TMEM64: variants seen among roughly 807,000 people sequenced by gnomAD.
The protein encoded by TMEM64 is transmembrane protein 64.
A neutral mutation model predicts 24.5 loss-of-function variants in TMEM64; 19 were observed. The observed-to-expected ratio is 0.78, with a 90% CI of 0.54 to 1.14. The LOEUF (loss-of-function observed/expected upper bound fraction) is 1.14, where lower values mean the gene tolerates loss of function less well. Among genes scored for constraint, TMEM64 ranks in the 50% most tolerant of loss-of-function variants. The probability of loss-of-function intolerance (pLI) is 0.00; values close to 1 mark genes in which losing one functional copy is unlikely to be tolerated. For missense variants in TMEM64, 487 were observed against 493.0 expected (o/e 0.99, Z 0.12); for synonymous variants, 262 against 224.7 (o/e 1.17, Z -1.49).
chr8:90,626,368 C>T (rs1809359478), intron 2 of TMEM64, among the ~76,000 whole-genome samples: 1 of 152,050 alleles, frequency 6.6e-6, no homozygotes, highest in East Asian at 1.9e-4. Flanking sequence ...AATGAAATGC[C>T]AATAAACTTC....
At position 90,624,955 on chromosome 8, in the gene TMEM64, G is replaced by A. The variant is rs1809333702; in HGVS notation, c.*716C>T. The A allele has an allele frequency of 6.6e-6, 1 of 152,550 alleles. No homozygotes were observed. Among genetic ancestry groups the A allele is most frequent in the African/African-American group, 2.4e-5 (1 of 41,440 alleles). 9.4% of individuals were successfully genotyped at this position (152,550 alleles called of 1,614,324 possible). ...CCAATGTAACTGAATTAGAACAAGA[G>A]TTCCAATTTTGAGCTACCATCCACC... On this transcript the variant is annotated 3_prime_UTR_variant, in exon 3 of 3. Coordinates refer to ENST00000458549, the MANE Select transcript of TMEM64 (RefSeq NM_001008495.4).
rs1438406143 is a variant in TMEM64 at position 90,625,715 on chromosome 8, T to C, written c.1099A>G (p.Lys367Glu). 6.2e-7 allele frequency: 1 copy of C among 1,613,836 alleles called. No individual in the cohort carries two copies. The highest frequency in any genetic ancestry group is 1.7e-5 in the Admixed American group (1 of 59,994). The change falls in exon 3 of 3, where the codon AAG becomes GAG. Residue 367 changes from lysine (K) to glutamate (E), a missense_variant. Physicochemically the swap from Lys to Glu is moderately conservative, Grantham distance 56. Coordinates refer to ENST00000458549, the MANE Select transcript of TMEM64 (RefSeq NM_001008495.4). ...PNTSGSSFYN[K>E]RTLTFSGGGI... ...CCTCCAGAAAATGTTAGGGTCCTCTTGTTGTAGAATGAAGAGCCACTGGTA... is the reference window on the plus strand; with the variant it reads ...CCTCCAGAAAATGTTAGGGTCCTCTCGTTGTAGAATGAAGAGCCACTGGTA...
In TMEM64 at chr8:90,623,209, G is replaced by C. The variant is rs1809306698; in HGVS notation, c.*2462C>G. The C allele has an allele frequency of 6.6e-6, 1 of 152,122 alleles. No individual in the cohort carries two copies. Among genetic ancestry groups the C allele is most frequent in the African/African-American group, 2.4e-5 (1 of 41,430 alleles). 9.4% of individuals were successfully genotyped at this position (152,122 alleles called of 1,614,324 possible). On this transcript the variant is annotated 3_prime_UTR_variant, in exon 3 of 3. Transcript: ENST00000458549. ...ACTTTATACTGCACTTTAACAGTCT[G>C]AGAAATTTGACATTTCATTTCTATA...
In TMEM64 at chr8:90,645,951, G is replaced by T; in HGVS notation, c.-46C>A. On this transcript the variant is annotated 5_prime_UTR_variant, in exon 1 of 3. Coordinates refer to ENST00000458549, the MANE Select transcript of TMEM64 (RefSeq NM_001008495.4). This position sits in a 1 kb window ranked among gnomAD's most constrained non-coding sequence, Gnocchi z 4.2. ...CTCAGCCGGCCAGCCCCTCCGCCGCGGCGCCCGTTAGGCAGCTGCCCTTCA... is the reference window on the plus strand; with the variant it reads ...CTCAGCCGGCCAGCCCCTCCGCCGCTGCGCCCGTTAGGCAGCTGCCCTTCA... 1 of 1,069,704 alleles carries T rather than the reference G, an allele frequency of 9.3e-7. No homozygotes were observed. The highest frequency in any genetic ancestry group is 1.1e-6 in the Non-Finnish European group (1 of 871,540). The allele number at this position is 1,069,704 out of a possible 1,614,324, so 66.3% of individuals were successfully genotyped here.
intron 2 of TMEM64, among the ~76,000 whole-genome samples, chr8:90,628,414 G>A (rs1343951563): frequency 6.6e-6 from 1 of 152,208 alleles, no homozygotes; most frequent in Non-Finnish European, 1.5e-5. Context: ...TCAAAATTGT[G>A]AGGAGAAGTG....
intron 1 of TMEM64, among the ~76,000 whole-genome samples, chr8:90,638,563 A>AT (rs1293072634): frequency 6.6e-6 from 1 of 152,192 alleles, no homozygotes; most frequent in East Asian, 1.9e-4. Context: ...TTCCCAGACT[A>AT]TAAATTCTGT....
chr8:90,636,967 A>G (rs987376801), intron 1 of TMEM64, among the ~76,000 whole-genome samples: 1 of 152,218 alleles, frequency 6.6e-6, no homozygotes, highest in African/African-American at 2.4e-5. Flanking sequence ...TAGAAGCACT[A>G]TAAAATTATA....
At chr8:90,639,393 C>CAG (rs1181433201) in intron 1 of TMEM64, among the ~76,000 whole-genome samples, 1 of 152,108 alleles carries the variant, frequency 6.6e-6, no homozygotes, top group Non-Finnish European at 1.5e-5. Context: ...CACATACACA[C>CAG]AGAGGCCTTG....
At chr8:90,634,267 A>G (rs1052920597) in intron 1 of TMEM64, among the ~76,000 whole-genome samples, 1 of 152,230 alleles carries the variant, frequency 6.6e-6, no homozygotes, top group Non-Finnish European at 1.5e-5. Context: ...CAGTAGAAAT[A>G]AAAGTTACTT....
chr8:90,631,851 T>C (rs1809444841), intron 1 of TMEM64, 144 bp from the exon 2 acceptor site: 4 of 591,040 alleles, frequency 6.8e-6, no homozygotes, highest in Non-Finnish European at 1.1e-5. Flanking sequence ...GTTTACAAAA[T>C]GATTATAAAG....
chr8:90,638,927 A>G (rs1399616229), intron 1 of TMEM64, among the ~76,000 whole-genome samples: 1 of 152,048 alleles, frequency 6.6e-6, no homozygotes, highest in East Asian at 1.9e-4. Flanking sequence ...TCTTTTATTC[A>G]CGGCTACACC....
At chr8:90,635,404 T>TTTTATTTTATTTTA in intron 1 of TMEM64, among the ~76,000 whole-genome samples, 1 of 147,972 alleles carries the variant, frequency 6.8e-6, no homozygotes, top group African/African-American at 2.6e-5. Context: ...TTTTATTTTA[T>TTTTATTTTATTTTA]TTTTTTTGAG....
At position 90,631,603 on chromosome 8, in the gene TMEM64, T is replaced by C. The variant is rs768648458; in HGVS notation, c.900A>G (p.Glu300=). ...SYLGTTLRTM[E]DVIAEQSVSG... ...TAACACTCTGTTCTGCAATGACATC[T>C]TCCATTGTCCGCAGGGTGGTACCCA... is the stretch of plus-strand genomic sequence containing the variant. The change falls in exon 2 of 3, where the codon GAA becomes GAG. Residue 300 remains glutamate (E), a synonymous_variant. Coordinates refer to ENST00000458549, the MANE Select transcript of TMEM64 (RefSeq NM_001008495.4). 6 of 1,613,380 alleles carry C rather than the reference T, an allele frequency of 3.7e-6. No homozygotes were observed. The South Asian group carries it at 6.6e-5, about 18-fold the overall frequency.
At chr8:90,625,918 T>G in intron 2 of TMEM64, 56 bp from the exon 3 acceptor site, 1 of 1,307,522 alleles carries the variant, frequency 7.6e-7, no homozygotes, top group Non-Finnish European at 1.0e-6. Context: ...AAAAAAGAAA[T>G]AAATCCAATA....
chr8:90,625,833 A>C lies in TMEM64; in HGVS notation c.981T>G (p.Tyr327Ter), dbSNP rs1809350392. ...ATTCCACTTGAGCTCGATGAACTAC[A>C]TAAAACATGAGGCCTATACTTATAA... ...QIIISIGLMF[Y>*]VVHRAQVELN... Residue 327 changes from tyrosine to a stop codon, truncating the protein, a stop_gained, in exon 3 of 3, where the codon TAT becomes TAG. Transcript: ENST00000458549. LOFTEE classifies it high-confidence loss of function. 1 of 1,613,294 alleles carries C rather than the reference A, an allele frequency of 6.2e-7. No individual in the cohort carries two copies. The highest frequency in any genetic ancestry group is 8.5e-7 in the Non-Finnish European group (1 of 1,179,406).
chr8:90,636,414 C>G (rs1809518968), intron 1 of TMEM64, among the ~76,000 whole-genome samples: 1 of 152,130 alleles, frequency 6.6e-6, no homozygotes, highest in South Asian at 2.1e-4. Flanking sequence ...CACCACCACA[C>G]CTGGCTAATT....
chr8:90,635,393 A>ATTTTT (rs1554548921), intron 1 of TMEM64, among the ~76,000 whole-genome samples: 3 of 151,324 alleles, frequency 2.0e-5, no homozygotes, highest in African/African-American at 7.3e-5. Context: ...ATTTTATTTT[A>ATTTTT]TTTTATTTTA....
rs550959526 is a variant in TMEM64, at chr8:90,624,369, T to G, written c.*1302A>C. 6.6e-6 allele frequency: 1 copy of G among 152,100 alleles called. No individual in the cohort carries two copies. Among genetic ancestry groups the G allele is most frequent in the East Asian group, 1.9e-4 (1 of 5,188 alleles). 9.4% of individuals were successfully genotyped at this position (152,100 alleles called of 1,614,324 possible). On this transcript the variant is annotated 3_prime_UTR_variant, in exon 3 of 3. Transcript: ENST00000458549. Reference sequence around the variant, plus strand: ...AAAAAAAGAGATACCTACCAGAAAATTTGCATTAATATCTATAACCTCATT... The same window carrying G: ...AAAAAAAGAGATACCTACCAGAAAAGTTGCATTAATATCTATAACCTCATT...
In TMEM64 at chr8:90,645,701, A is replaced by C; in HGVS notation, c.205T>G (p.Tyr69Asp). The C allele has an allele frequency of 7.1e-7, 1 of 1,404,088 alleles. No homozygotes were observed. Among genetic ancestry groups the C allele is most frequent in the Non-Finnish European group, 9.2e-7 (1 of 1,086,212 alleles). The allele number at this position is 1,404,088 out of a possible 1,614,324, so 87.0% of individuals were successfully genotyped here. A position where few individuals can be genotyped will look rare whatever the true frequency, so the allele number is the denominator to read the frequency against. The change falls in exon 1 of 3, where the codon TAT becomes GAT. Residue 69 changes from tyrosine to aspartate, a missense_variant. Around this residue, in one of 3 missense-constraint regions of TMEM64, gnomAD observed 419 missense variants for 407.5 expected, o/e 1.03. Transcript: ENST00000458549. The surrounding 1 kb of genome is among the most constrained non-coding windows in gnomAD (Gnocchi z 4.2). ...TCGGGCGGACCGTGGCGCTCCAGAT[A>C]GGCGCCGAGCAGGGCGCCCGAGGCC... is the stretch of plus-strand genomic sequence containing the variant. Reference protein sequence around the residue: ...AAASGALLGAYLERHGPPEAS... With the variant: ...AAASGALLGADLERHGPPEAS...
Sources: allele counts gnomAD v4.1 joint callset (sites outside exome capture counted in the v4.1 genomes callset), GRCh38; gene constraint gnomAD v4.1.1; regional missense constraint gnomAD v4.1.1; non-coding constraint Gnocchi (gnomAD v3.1); transcripts MANE v1.5; gene names NCBI Gene and HGNC (gene_info 2026-07-23, HGNC 2026-07-21).